The following PALM2AKAP2 variants were observed in gnomAD, a reference collection of about 807,000 sequenced individuals.
PALM2AKAP2 encodes PALM2 and AKAP2 fusion.
Under a neutral mutation model 71.5 loss-of-function variants are expected in PALM2AKAP2, and 37 were observed. That is an observed-to-expected ratio of 0.52 (90% confidence interval 0.40 to 0.68). The LOEUF is 0.68. Ranked by LOEUF, PALM2AKAP2 falls within the 30% of genes least tolerant of loss-of-function variation. PALM2AKAP2 has a pLI of 0.00. For synonymous variants in PALM2AKAP2, 468 were observed against 478.8 expected, an observed-to-expected ratio of 0.98 and a Z score of 0.29; for missense variants, 1,224 against 1,191.8, an observed-to-expected ratio of 1.03 and a Z score of -0.40.
chr9:109,988,346 T>C (rs1832416339), intron 6 of PALM2AKAP2, among the ~76,000 whole-genome samples: 1 of 152,224 alleles, frequency 6.6e-6, no homozygotes, highest in African/African-American at 2.4e-5. Flanking sequence ...GAAAACTCCA[T>C]TCTAACCAAT....
intron 1 of PALM2AKAP2, among the ~76,000 whole-genome samples, chr9:109,824,579 A>G (rs982186202): frequency 1.4e-4 from 22 of 152,148 alleles, no homozygotes; most frequent in African/African-American, 4.3e-4. Flanking sequence ...GGCCCTTTCC[A>G]TCTTTGGGGC....
chr9:110,050,937 C>T (rs191900340), intron 1 of PALM2AKAP2, among the ~76,000 whole-genome samples: 4 of 152,282 alleles, frequency 2.6e-5, no homozygotes, highest in African/African-American at 7.2e-5. Flanking sequence ...CTGGCCCTTT[C>T]CTTAAAGGGC....
chr9:109,785,365 C>T lies in PALM2AKAP2; in HGVS notation c.45+4832C>T, dbSNP rs367797279. Among the ~76,000 whole-genome samples the T allele has an allele frequency of 8.5e-5, 13 of 152,252 alleles. 1 individual carries two copies. Among genetic ancestry groups the T allele is most frequent in the African/African-American group, 1.2e-4 (5 of 41,536 alleles). On this transcript the variant is annotated intron_variant, in intron 1 of 9. Transcript: ENST00000302798. ...TGAGGTGTGTAGAGCAAATCTTATACGCTTTACAGGTGAGTATTCAGAGCT... is the reference window on the plus strand; with the variant it reads ...TGAGGTGTGTAGAGCAAATCTTATATGCTTTACAGGTGAGTATTCAGAGCT...
At chr9:109,680,651 A>T (rs902566362) in intron 1 of PALM2AKAP2, among the ~76,000 whole-genome samples, 3 of 152,246 alleles carry the variant, frequency 2.0e-5, no homozygotes, top group Non-Finnish European at 4.4e-5. Flanking sequence ...ATTGTAAGGC[A>T]TGTATTTTTT....
intron 1 of PALM2AKAP2, among the ~76,000 whole-genome samples, chr9:110,106,473 G>A (rs1315041378): frequency 6.6e-6 from 1 of 152,160 alleles, no homozygotes; most frequent in African/African-American, 2.4e-5. Context: ...ATTGTTGCTG[G>A]GGGGGATGTG....
chr9:110,119,660 T>C (rs1212041738), intron 1 of PALM2AKAP2, among the ~76,000 whole-genome samples: 1 of 152,248 alleles, frequency 6.6e-6, no homozygotes, highest in Non-Finnish European at 1.5e-5. Flanking sequence ...TGTTTCTTTT[T>C]TATAAATGGG....
chr9:109,866,278 G>C (rs376732551), intron 1 of PALM2AKAP2, among the ~76,000 whole-genome samples: 5 of 152,298 alleles, frequency 3.3e-5, no homozygotes, highest in African/African-American at 1.2e-4. Flanking sequence ...CTTCCGCATT[G>C]TTGTTGTCCC....
chr9:109,680,298 A>C (rs937034334), intron 1 of PALM2AKAP2, among the ~76,000 whole-genome samples: 9 of 152,208 alleles, frequency 5.9e-5, no homozygotes, highest in African/African-American at 2.2e-4. Flanking sequence ...AGATGGGTCC[A>C]TTTTATCTCA....
intron 1 of PALM2AKAP2, among the ~76,000 whole-genome samples, chr9:109,855,047 C>A (rs1829125174): frequency 6.6e-6 from 1 of 151,344 alleles, no homozygotes; most frequent in Non-Finnish European, 1.5e-5. Context: ...GGATTACAGG[C>A]GTGAGCCACC....
intron 3 of PALM2AKAP2, among the ~76,000 whole-genome samples, chr9:109,922,394 C>G (rs112519039): frequency 0.011 from 1,269 of 119,452 alleles, 20 homozygotes; most frequent in African/African-American, 0.039. Context: ...TACACTCCAG[C>G]CTGGGTGACA....
intron 1 of PALM2AKAP2, among the ~76,000 whole-genome samples, chr9:109,673,593 C>A (rs2118496961): frequency 6.6e-6 from 1 of 152,156 alleles, no homozygotes; most frequent in East Asian, 1.9e-4. Context: ...TTGAAGAGTT[C>A]TGTAGATGTC....
At chr9:109,811,814 C>T (rs1471022628) in intron 1 of PALM2AKAP2, among the ~76,000 whole-genome samples, 2 of 152,236 alleles carry the variant, frequency 1.3e-5, no homozygotes, top group Non-Finnish European at 2.9e-5. Context: ...CTCAAGCCAT[C>T]CTCCTACCTC....
At chr9:109,875,950 G>A (rs1194094964) in intron 2 of PALM2AKAP2, among the ~76,000 whole-genome samples, 6 of 152,066 alleles carry the variant, frequency 3.9e-5, no homozygotes, top group Non-Finnish European at 5.9e-5. Context: ...TCCTTGTATT[G>A]ACTTGCCATG....
intron 1 of PALM2AKAP2, among the ~76,000 whole-genome samples, chr9:109,721,491 T>C (rs1245380026): frequency 6.6e-6 from 1 of 152,248 alleles, no homozygotes; most frequent in African/African-American, 2.4e-5. Context: ...TATCTTGTTA[T>C]TTCCCCCAGA....
exon 2 of PALM2AKAP2, chr9:110,136,595 A>G (rs781496390): frequency 6.2e-7 from 1 of 1,613,880 alleles, no homozygotes; most frequent in South Asian, 1.1e-5. Flanking sequence ...GCTCAGTAAT[A>G]GCAGCCCTGA....
At chr9:110,030,373 C>A (rs982424479) in intron 7 of PALM2AKAP2, among the ~76,000 whole-genome samples, 3 of 152,072 alleles carry the variant, frequency 2.0e-5, no homozygotes, top group African/African-American at 4.8e-5. Flanking sequence ...AATGGCAACT[C>A]AAGGAAGAGA....
intron 1 of PALM2AKAP2, among the ~76,000 whole-genome samples, chr9:109,830,363 C>T (rs552650585): frequency 3.3e-5 from 5 of 152,056 alleles, no homozygotes; most frequent in Non-Finnish European, 7.4e-5. Flanking sequence ...TTTGTATGTG[C>T]CTAGGGGTTG....
intron 3 of PALM2AKAP2, among the ~76,000 whole-genome samples, chr9:109,884,077 G>A (rs1324199577): frequency 6.6e-6 from 1 of 152,218 alleles, no homozygotes; most frequent in Non-Finnish European, 1.5e-5. Flanking sequence ...GAATAATTCA[G>A]TTTTCCAGGA....
At chr9:109,835,039 C>T (rs1333134454) in intron 1 of PALM2AKAP2, among the ~76,000 whole-genome samples, 1 of 151,994 alleles carries the variant, frequency 6.6e-6, no homozygotes, top group Non-Finnish European at 1.5e-5. Flanking sequence ...TCAGCTGTCA[C>T]AGTGCCATTG....
Sources: allele counts gnomAD v4.1 joint callset (sites outside exome capture counted in the v4.1 genomes callset), GRCh38; gene constraint gnomAD v4.1.1; transcripts MANE v1.5; gene names NCBI Gene and HGNC (gene_info 2026-07-23, HGNC 2026-07-21).